ARHGEF4: variants seen among roughly 807,000 people sequenced by gnomAD.
The protein encoded by ARHGEF4 is Rho guanine nucleotide exchange factor 4.
In ARHGEF4, 119 loss-of-function variants were observed where a neutral mutation model predicts 162.0. The ratio of observed to expected loss-of-function variants is 0.73; its 90% CI spans 0.63 to 0.86. The LOEUF (loss-of-function observed/expected upper bound fraction) is 0.86, where lower values mean the gene tolerates loss of function less well. Among genes scored for constraint, ARHGEF4 ranks in the 40% least tolerant of loss-of-function variants. ARHGEF4 has a pLI of 0.00. For synonymous variants in ARHGEF4, 1,014 were observed against 979.9 expected (o/e 1.03, Z -0.65); for missense variants, 2,488 against 2,456.0 (o/e 1.01, Z -0.28).
chr2:130,889,806 C>T (rs533395857), intron 1 of ARHGEF4, among the ~76,000 whole-genome samples: 32 of 120,244 alleles, frequency 2.7e-4, no homozygotes, highest in African/African-American at 8.0e-4. Flanking sequence ...AGTGAGACTC[C>T]GTCTCAAAAA....
chr2:131,020,316 T>C (rs1416403519), intron 4 of ARHGEF4, among the ~76,000 whole-genome samples: 2 of 150,132 alleles, frequency 1.3e-5, no homozygotes, highest in African/African-American at 4.9e-5. Context: ...ATTAGGTATA[T>C]CTCCTAATGC....
At chr2:130,941,667 A>G (rs1054403114) in intron 3 of ARHGEF4, among the ~76,000 whole-genome samples, 1 of 152,212 alleles carries the variant, frequency 6.6e-6, no homozygotes, top group Non-Finnish European at 1.5e-5. Context: ...AGAGAAAGAG[A>G]AAATGTTAAG....
chr2:130,904,107 A>C (rs1288339586), intron 1 of ARHGEF4, among the ~76,000 whole-genome samples: 2 of 152,212 alleles, frequency 1.3e-5, no homozygotes, highest in South Asian at 4.1e-4. Context: ...TGCTCTCCAC[A>C]GGGGCTGTGC....
In ARHGEF4 at chr2:130,946,128, G is replaced by GT. The variant is rs781305328; in HGVS notation, c.3859-380dup. 2.6e-5 allele frequency among the ~76,000 whole-genome samples: 4 copies of GT among 152,282 alleles called. No homozygotes were observed. In the South Asian group the frequency reaches 8.3e-4, roughly 32 times the overall value. ...ATAATTAGGAGATGTCACGGATTTCGTGAGTTGTGTTTTAATGAAGCATTC... is the reference window on the plus strand; with the variant it reads ...ATAATTAGGAGATGTCACGGATTTCGTTGAGTTGTGTTTTAATGAAGCATTC... On this transcript the variant is annotated intron_variant, in intron 3 of 13. Coordinates refer to ENST00000409359, the MANE Select transcript of ARHGEF4 (RefSeq NM_001367493.1).
rs191310729 is a variant in ARHGEF4, at chr2:131,044,019, G to A, written c.5158-280G>A. 3.9e-5 allele frequency among the ~76,000 whole-genome samples: 6 copies of A among 152,142 alleles called. No individual in the cohort carries two copies. In the East Asian group the frequency reaches 7.8e-4, roughly 20 times the overall value. ...CTTGTCCACGGGTGATCTTTCCTACGTGTGGTGTGAGCCACTGTCTTAGTC... is the reference window on the plus strand; with the variant it reads ...CTTGTCCACGGGTGATCTTTCCTACATGTGGTGTGAGCCACTGTCTTAGTC... On this transcript the variant is annotated intron_variant, in intron 11 of 13. Coordinates refer to ENST00000409359, the MANE Select transcript of ARHGEF4 (RefSeq NM_001367493.1).
intron 4 of ARHGEF4, among the ~76,000 whole-genome samples, chr2:131,001,800 C>T (rs916495329): frequency 3.3e-5 from 5 of 152,012 alleles, no homozygotes; most frequent in African/African-American, 9.7e-5. Context: ...AATAATAGTA[C>T]ATAACAGTAC....
chr2:130,897,930 A>G (rs1382961207), intron 1 of ARHGEF4, among the ~76,000 whole-genome samples: 1 of 152,228 alleles, frequency 6.6e-6, no homozygotes, highest in Non-Finnish European at 1.5e-5. Flanking sequence ...GGCGACAGAA[A>G]CTATTTTAGC....
At chr2:130,853,183 C>T (rs1449039042) in intron 1 of ARHGEF4, among the ~76,000 whole-genome samples, 1 of 152,150 alleles carries the variant, frequency 6.6e-6, no homozygotes, top group Non-Finnish European at 1.5e-5. Context: ...TTGGGGTCTG[C>T]CAGAGGATCT....
rs1429607311 is a variant in ARHGEF4, at chr2:130,932,279, T to C, written c.3858+1022T>C. ...TTTCGTTATGTGATTATACAGTACT[T>C]GTCTCACTTTGTTCATCCATACATC... On this transcript the variant is annotated intron_variant, in intron 3 of 13. Coordinates refer to ENST00000409359, the MANE Select transcript of ARHGEF4 (RefSeq NM_001367493.1). Among the ~76,000 whole-genome samples, 3 of 152,240 alleles carry C rather than the reference T, an allele frequency of 2.0e-5. No individual in the cohort carries two copies. The East Asian group carries it at 5.8e-4, about 29-fold the overall frequency.
chr2:131,045,488 T>G (rs758009412), intron 13 of ARHGEF4, 42 bp downstream of exon 13: 2 of 1,613,598 alleles, frequency 1.2e-6, no homozygotes, highest in Non-Finnish European at 1.7e-6. Flanking sequence ...GCCCGGTCCT[T>G]ACCCTGCTGA....
At chr2:130,854,713 G>T (rs1263383189) in intron 1 of ARHGEF4, among the ~76,000 whole-genome samples, 1 of 152,130 alleles carries the variant, frequency 6.6e-6, no homozygotes, top group Non-Finnish European at 1.5e-5. Context: ...GGACTGCCAG[G>T]CAACCAGTGC....
At chr2:131,037,596 C>T (rs1395648586) in intron 5 of ARHGEF4, among the ~76,000 whole-genome samples, 1 of 152,220 alleles carries the variant, frequency 6.6e-6, no homozygotes, top group Non-Finnish European at 1.5e-5. Flanking sequence ...TGGACCTCAC[C>T]TCCTGTGCAG....
chr2:130,908,360 G>A (rs369777153), intron 1 of ARHGEF4, among the ~76,000 whole-genome samples: 97 of 152,312 alleles, frequency 6.4e-4, no homozygotes, highest in African/African-American at 2.3e-3. Flanking sequence ...GGCAGAGACT[G>A]TGGGATTTTT....
intron 5 of ARHGEF4, chr2:131,035,416 G>T: frequency 1.4e-6 from 1 of 690,228 alleles, no homozygotes; most frequent in Non-Finnish European, 2.0e-6. Flanking sequence ...TCGCCGAGCG[G>T]GTGCCTGAGG....
intron 4 of ARHGEF4, among the ~76,000 whole-genome samples, chr2:130,995,224 T>C (rs1221545052): frequency 6.6e-6 from 1 of 152,256 alleles, no homozygotes; most frequent in Admixed American, 6.5e-5. Context: ...CTTGCTGTCC[T>C]TTTGTCTCTG....
intron 1 of ARHGEF4, among the ~76,000 whole-genome samples, chr2:130,903,119 AT>A (rs56943344): frequency 0.03 from 4,397 of 144,540 alleles, 175 homozygotes; most frequent in African/African-American, 0.1. Flanking sequence ...TCTTCTGCTT[AT>A]TTTTTTTTTT....
intron 4 of ARHGEF4, among the ~76,000 whole-genome samples, chr2:130,964,574 G>T (rs551584542): frequency 6.6e-6 from 1 of 152,330 alleles, no homozygotes; most frequent in African/African-American, 2.4e-5. Flanking sequence ...TGCCCGATGC[G>T]CTGTGTTCCT....
At chr2:130,935,779 A>G (rs956280058) in intron 3 of ARHGEF4, among the ~76,000 whole-genome samples, 4 of 152,154 alleles carry the variant, frequency 2.6e-5, no homozygotes, top group African/African-American at 7.2e-5. Flanking sequence ...GTCTTTTAAA[A>G]TTTACTGGCC....
intron 2 of ARHGEF4, chr2:130,929,673 T>C (rs2105099030): frequency 6.4e-6 from 1 of 155,884 alleles, no homozygotes; most frequent in East Asian, 1.9e-4. Context: ...AAACCCAAGA[T>C]CCAATATTAA....
Sources: allele counts gnomAD v4.1 joint callset (sites outside exome capture counted in the v4.1 genomes callset), GRCh38; gene constraint gnomAD v4.1.1; transcripts MANE v1.5; gene names NCBI Gene and HGNC (gene_info 2026-07-23, HGNC 2026-07-21).